Variants in ZNF385D observed in about 807,000 individuals in gnomAD.
The protein encoded by ZNF385D is zinc finger protein 659.
ZNF385D carries 15 observed loss-of-function variants against 35.8 expected under a neutral mutation model. The ratio of observed to expected loss-of-function variants is 0.42; its 90% CI spans 0.28 to 0.64. The LOEUF (loss-of-function observed/expected upper bound fraction) is 0.64. ZNF385D is among the 30% of genes least tolerant of loss of function. ZNF385D has a pLI of 0.23. For missense variants in ZNF385D, 474 were observed against 494.6 expected (o/e 0.96, Z 0.39); for synonymous variants, 212 against 186.8 (o/e 1.13, Z -1.10).
rs1559743300 is a variant in ZNF385D at position 21,908,126 on chromosome 3, C to CTATA, written c.326-243099_326-243098insTATA. 4.0e-3 allele frequency among the ~76,000 whole-genome samples: 464 copies of CTATA among 115,198 alleles called. 3 individuals are homozygous for CTATA. The highest frequency in any genetic ancestry group is 0.016 in the African/African-American group (444 of 27,482). The allele number at this position is 115,198 out of a possible 152,430, so 75.6% of individuals were successfully genotyped here. On this transcript the variant is annotated intron_variant, in intron 3 of 5. Coordinates refer to the ZNF385D transcript ENST00000494108. The stretch of plus-strand genomic sequence containing the variant: ...TATATATCTTTCTCTCTATATCTAT[C>CTATA]TATCTATCTATCTATCTATCTATCT...
rs116375586 is a variant in ZNF385D at position 21,571,328 on chromosome 3, T to C, written c.166-6644A>G. 6.0e-3 allele frequency among the ~76,000 whole-genome samples: 917 copies of C among 152,314 alleles called. 10 individuals are homozygous for C. The highest frequency in any genetic ancestry group is 0.021 in the African/African-American group (862 of 41,564). ...TATATAGTATTCCATTCTAAAACCA[T>C]ATCCTAATTTTTGCCAATTCTACTG... On this transcript the variant is annotated intron_variant, in intron 2 of 7. Transcript: ENST00000281523.
chr3:21,830,987 G>A (rs890807257), intron 3 of ZNF385D, among the ~76,000 whole-genome samples: 1 of 152,114 alleles, frequency 6.6e-6, no homozygotes. Context: ...GGTTTCTAAA[G>A]TAAAGTGAAG....
intron 2 of ZNF385D, among the ~76,000 whole-genome samples, chr3:22,207,181 A>G (rs1697211939): frequency 6.6e-6 from 1 of 151,962 alleles, no homozygotes; most frequent in South Asian, 2.1e-4. Context: ...CTAGACACAT[A>G]CAACCTACCA....
intron 3 of ZNF385D, among the ~76,000 whole-genome samples, chr3:21,853,002 C>T (rs572840898): frequency 2.0e-5 from 3 of 151,856 alleles, no homozygotes; most frequent in Non-Finnish European, 2.9e-5. Flanking sequence ...TCCCTCTGGA[C>T]CTATTTTTGA....
chr3:21,670,327 A>G (rs2066527572), intron 1 of ZNF385D, among the ~76,000 whole-genome samples: 1 of 151,820 alleles, frequency 6.6e-6, no homozygotes, highest in South Asian at 2.1e-4. Context: ...GTGTTTTTCA[A>G]TAATAAGCTA....
intron 2 of ZNF385D, among the ~76,000 whole-genome samples, chr3:22,275,768 A>G (rs541571697): frequency 3.3e-5 from 5 of 152,266 alleles, no homozygotes; most frequent in African/African-American, 9.6e-5. Context: ...CCAATAAATT[A>G]GCATATGCAT....
intron 3 of ZNF385D, among the ~76,000 whole-genome samples, chr3:22,088,057 G>A (rs879109960): frequency 6.6e-5 from 10 of 152,168 alleles, no homozygotes; most frequent in Admixed American, 3.3e-4. Flanking sequence ...TAGTATTGAA[G>A]GAGAGCTTTG....
chr3:21,798,082 C>T (rs1254559905), intron 3 of ZNF385D, among the ~76,000 whole-genome samples: 1 of 152,156 alleles, frequency 6.6e-6, no homozygotes, highest in Non-Finnish European at 1.5e-5. Context: ...AAATGTACCT[C>T]TCTGGTGGGG....
chr3:21,731,181 T>TA (rs1479447480), intron 1 of ZNF385D, among the ~76,000 whole-genome samples: 2 of 152,226 alleles, frequency 1.3e-5, no homozygotes, highest in African/African-American at 4.8e-5. Flanking sequence ...ACCTAATACT[T>TA]AAACATGTGT....
intron 2 of ZNF385D, among the ~76,000 whole-genome samples, chr3:22,335,945 T>C (rs1347466193): frequency 3.3e-5 from 5 of 152,152 alleles, no homozygotes; most frequent in African/African-American, 7.2e-5. Flanking sequence ...TATTTTTATT[T>C]TGGGACTTTG....
chr3:21,813,376 C>T (rs924110304), intron 3 of ZNF385D, among the ~76,000 whole-genome samples: 2 of 152,150 alleles, frequency 1.3e-5, no homozygotes, highest in African/African-American at 4.8e-5. Flanking sequence ...AAGTAGGCCT[C>T]AGAAGAGTGG....
At chr3:21,520,404 T>G (rs1437499438) in intron 3 of ZNF385D, among the ~76,000 whole-genome samples, 2 of 152,216 alleles carry the variant, frequency 1.3e-5, no homozygotes, top group African/African-American at 4.8e-5. Flanking sequence ...TAATTTCACA[T>G]TTTGATTTTA....
intron 4 of ZNF385D, among the ~76,000 whole-genome samples, chr3:21,502,316 C>G: frequency 6.6e-6 from 1 of 152,134 alleles, no homozygotes; most frequent in East Asian, 1.9e-4. Flanking sequence ...CCTCCAACAT[C>G]ATTTACTCTC....
chr3:21,727,823 C>G (rs908634124), intron 1 of ZNF385D, among the ~76,000 whole-genome samples: 6 of 152,044 alleles, frequency 3.9e-5, no homozygotes, highest in African/African-American at 1.5e-4. Flanking sequence ...GGTATATACC[C>G]CAAGGATTAT....
intron 3 of ZNF385D, among the ~76,000 whole-genome samples, chr3:21,963,064 T>C (rs1043926483): frequency 3.9e-4 from 60 of 152,216 alleles, no homozygotes; most frequent in African/African-American, 1.4e-3. Context: ...TCAATAGTTT[T>C]ATCCTGGTTC....
At chr3:22,151,654 G>A (rs953078907) in intron 3 of ZNF385D, among the ~76,000 whole-genome samples, 3 of 151,994 alleles carry the variant, frequency 2.0e-5, no homozygotes, top group Admixed American at 6.6e-5. Context: ...GATTGGCTGG[G>A]GCCCACCCGA....
At chr3:22,247,160 T>C (rs1184221423) in intron 2 of ZNF385D, among the ~76,000 whole-genome samples, 1 of 152,148 alleles carries the variant, frequency 6.6e-6, no homozygotes, top group Non-Finnish European at 1.5e-5. Context: ...TCTTGGGCCA[T>C]AAAAATCCAG....
chr3:22,304,600 T>A (rs1205768530), intron 2 of ZNF385D, among the ~76,000 whole-genome samples: 1 of 152,152 alleles, frequency 6.6e-6, no homozygotes, highest in Non-Finnish European at 1.5e-5. Flanking sequence ...TTCCCACTTT[T>A]TCCAGCACCA....
chr3:21,897,188 C>T (rs1245455119), intron 3 of ZNF385D, among the ~76,000 whole-genome samples: 1 of 152,096 alleles, frequency 6.6e-6, no homozygotes, highest in Non-Finnish European at 1.5e-5. Context: ...GATAAGAATG[C>T]TTAGACCAGA....
Sources: allele counts gnomAD v4.1 joint callset (sites outside exome capture counted in the v4.1 genomes callset), GRCh38; gene constraint gnomAD v4.1.1; transcripts MANE v1.5; gene names NCBI Gene and HGNC (gene_info 2026-07-23, HGNC 2026-07-21).